The following RAPH1 variants were observed in gnomAD, a reference collection of about 807,000 sequenced individuals.
RAPH1 encodes the protein Ras association (RalGDS/AF-6) and pleckstrin homology domains 1.
RAPH1 carries 18 observed loss-of-function variants against 88.1 expected under a neutral mutation model. The observed-to-expected ratio is 0.20, with a 90% CI of 0.14 to 0.30. The LOEUF is 0.30. RAPH1 is among the 10% of genes least tolerant of loss of function. The pLI is 1.00. For synonymous variants in RAPH1, 587 were observed against 559.0 expected (o/e 1.05, Z -0.71); for missense variants, 1,448 against 1,543.2 (o/e 0.94, Z 1.03).
At chr2:203,503,309 T>C (rs1314549648) in intron 1 of RAPH1, among the ~76,000 whole-genome samples, 1 of 152,142 alleles carries the variant, frequency 6.6e-6, no homozygotes, top group African/African-American at 2.4e-5. Context: ...ATGCTGCTGA[T>C]AAAGACATAC....
intron 4 of RAPH1, among the ~76,000 whole-genome samples, chr2:203,477,513 A>T (rs1687518704): frequency 6.6e-6 from 1 of 152,078 alleles, no homozygotes; most frequent in Admixed American, 6.5e-5. Context: ...TTTTCCCCTT[A>T]TGTTATACCT....
At chr2:203,492,137 G>C (rs1468378816) in intron 2 of RAPH1, among the ~76,000 whole-genome samples, 1 of 151,892 alleles carries the variant, frequency 6.6e-6, no homozygotes, top group African/African-American at 2.4e-5. Context: ...GGCAGGCTGA[G>C]GCAGGAGAAT....
chr2:203,458,215 C>T (rs540224098), intron 7 of RAPH1, among the ~76,000 whole-genome samples: 225 of 152,098 alleles, frequency 1.5e-3, no homozygotes, highest in African/African-American at 5.2e-3. Flanking sequence ...ACTAAAAATA[C>T]AAAATTAGCC....
At chr2:203,487,610 C>G (rs948178965) in intron 4 of RAPH1, among the ~76,000 whole-genome samples, 1 of 152,134 alleles carries the variant, frequency 6.6e-6, no homozygotes, top group African/African-American at 2.4e-5. Flanking sequence ...GTCTCAAACT[C>G]CTGACCTCAG....
At chr2:203,511,427 T>G (rs1689336833) in intron 1 of RAPH1, among the ~76,000 whole-genome samples, 1 of 152,202 alleles carries the variant, frequency 6.6e-6, no homozygotes, top group Non-Finnish European at 1.5e-5. Context: ...GAAGAGTATT[T>G]TAATAGTATT....
intron 1 of RAPH1, among the ~76,000 whole-genome samples, chr2:203,506,838 C>CTA (rs1559494704): frequency 1.4e-3 from 12 of 8,554 alleles, no homozygotes; most frequent in Admixed American, 3.7e-3. Context: ...ATATCTATAT[C>CTA]TATATATCTA....
rs762785641 is a variant in RAPH1 at position 203,489,855 on chromosome 2, T to C, written c.461A>G (p.Asp154Gly). 6.2e-7 allele frequency: 1 copy of C among 1,614,238 alleles called. No homozygotes were observed. The highest frequency in any genetic ancestry group is 8.5e-7 in the Non-Finnish European group (1 of 1,180,042). ...CTGTTCTAACTGTGCAGTGACGTCG[T>C]CCAAGGAGTAGCTGGCATGGGAAGG... The part of the protein sequence containing the change: ...AKPSHASYSL[D>G]DVTAQLEQAS... Residue 154 changes from aspartate to glycine, a missense_variant, in exon 4 of 14, where the codon GAC (aspartate) becomes GGC (glycine). Coordinates refer to ENST00000319170, the MANE Select transcript of RAPH1 (RefSeq NM_213589.3).
At position 203,534,460 on chromosome 2, in the gene RAPH1, T is replaced by C. The variant is rs551135564; in HGVS notation, c.-1+651A>G. The stretch of plus-strand genomic sequence containing the variant: ...GAAAACCACATCTTTCAACCTGTCT[T>C]AACACGAAGGCATCCTAATACTATC... On this transcript the variant is annotated intron_variant, in intron 1 of 13. Coordinates refer to ENST00000319170, the MANE Select transcript of RAPH1 (RefSeq NM_213589.3). Among the ~76,000 whole-genome samples the C allele has an allele frequency of 2.3e-4, 33 of 145,994 alleles. No individual in the cohort carries two copies. In the East Asian group the frequency reaches 6.0e-3, roughly 26 times the overall value.
chr2:203,479,220 A>T (rs1687609234), intron 4 of RAPH1, among the ~76,000 whole-genome samples: 1 of 152,170 alleles, frequency 6.6e-6, no homozygotes, highest in Admixed American at 6.5e-5. Flanking sequence ...TTTCAAAATA[A>T]TTTTTCTTTA....
intron 8 of RAPH1, among the ~76,000 whole-genome samples, chr2:203,456,008 CAAAACAAAA>C (rs2098519128): frequency 6.6e-6 from 1 of 150,712 alleles, no homozygotes; most frequent in South Asian, 2.1e-4. Flanking sequence ...GACTCTGTCT[CAAAACAAAA>C]ACAAAAACAA....
At chr2:203,442,604 T>G (rs542597183) in intron 13 of RAPH1, 14 of 152,434 alleles carry the variant, frequency 9.2e-5, no homozygotes, top group African/African-American at 3.4e-4. Context: ...TGACCTTAAC[T>G]TGACCCTGTC....
At chr2:203,524,118 T>C (rs1690013695) in intron 1 of RAPH1, among the ~76,000 whole-genome samples, 2 of 152,172 alleles carry the variant, frequency 1.3e-5, no homozygotes, top group South Asian at 4.1e-4. Flanking sequence ...ATTTAAAAAA[T>C]ATATACAATC....
chr2:203,447,278 A>T (rs2098510817), intron 12 of RAPH1: 1 of 151,750 alleles, frequency 6.6e-6, no homozygotes, highest in South Asian at 2.1e-4. Context: ...AACAAAAAGA[A>T]ACCTCTATGA....
intron 1 of RAPH1, among the ~76,000 whole-genome samples, chr2:203,525,508 T>C (rs1317091891): frequency 6.6e-6 from 1 of 152,040 alleles, no homozygotes; most frequent in Admixed American, 6.6e-5. Context: ...TACAATTGAA[T>C]ATTACCACTA....
chr2:203,535,011 G>A (rs904129024), intron 1 of RAPH1, 100 bp downstream of exon 1: 14 of 152,250 alleles, frequency 9.2e-5, no homozygotes, highest in Non-Finnish European at 1.9e-4. Context: ...GCGGGGCCGG[G>A]CGCCGGGAAA....
intron 1 of RAPH1, among the ~76,000 whole-genome samples, chr2:203,530,300 C>T (rs549383654): frequency 1.9e-4 from 29 of 152,228 alleles, no homozygotes; most frequent in African/African-American, 7.0e-4. Context: ...AAAAGCATTG[C>T]TATTTTATGT....
At chr2:203,494,928 T>A (rs1688447786) in intron 2 of RAPH1, among the ~76,000 whole-genome samples, 1 of 152,164 alleles carries the variant, frequency 6.6e-6, no homozygotes, top group Non-Finnish European at 1.5e-5. Context: ...AAATTTAGAC[T>A]TTTGAATTTC....
chr2:203,441,197 C>T lies in RAPH1; in HGVS notation c.1993G>A (p.Val665Ile), dbSNP rs747909587. ...PSAGSAAPMF[V>I]KYSTITRLQN... ...AGCCGTGTTATTGTGCTGTACTTGA[C>T]GAACATTGGGGCTGCTGAGCCTGCA... The change falls in exon 14 of 14, where the codon GTC becomes ATC. Residue 665 changes from valine to isoleucine, a missense_variant. Physicochemically the swap from Val to Ile is conservative, Grantham distance 29 (BLOSUM62 3). Coordinates refer to ENST00000319170, the MANE Select transcript of RAPH1 (RefSeq NM_213589.3). 48 of 1,603,786 alleles carry T rather than the reference C, an allele frequency of 3.0e-5. No individual in the cohort carries two copies. The highest frequency in any genetic ancestry group is 5.5e-5 in the South Asian group (5 of 90,660).
rs768956601 is a variant in RAPH1 at position 203,448,859 on chromosome 2, C to T, written c.1414-23G>A. On this transcript the variant is annotated intron_variant, in intron 10 of 13. Coordinates refer to ENST00000319170, the MANE Select transcript of RAPH1 (RefSeq NM_213589.3). The surrounding 1 kb of genome is among the most constrained non-coding windows in gnomAD (Gnocchi z 4.1). ...ATGCTGCAAGATTAAAGACAAAATCCAACTAAGTCCCTTGGAGAACTAAAG... is the reference window on the plus strand; with the variant it reads ...ATGCTGCAAGATTAAAGACAAAATCTAACTAAGTCCCTTGGAGAACTAAAG... 6.6e-6 allele frequency: 10 copies of T among 1,511,588 alleles called. No homozygotes were observed. The African/African-American group carries it at 1.4e-4, about 21-fold the overall frequency. 93.6% of individuals were successfully genotyped at this position (1,511,588 alleles called of 1,614,324 possible).
Sources: allele counts gnomAD v4.1 joint callset (sites outside exome capture counted in the v4.1 genomes callset), GRCh38; gene constraint gnomAD v4.1.1; non-coding constraint Gnocchi (gnomAD v3.1); transcripts MANE v1.5; gene names NCBI Gene and HGNC (gene_info 2026-07-23, HGNC 2026-07-21).